The following PRKG2 variants were observed in gnomAD, a reference collection of about 807,000 sequenced individuals.
PRKG2 encodes protein kinase cGMP-dependent 2.
Under a neutral mutation model 97.2 loss-of-function variants are expected in PRKG2, and 33 were observed. The ratio of observed to expected loss-of-function variants is 0.34; its 90% CI spans 0.26 to 0.45. The LOEUF (loss-of-function observed/expected upper bound fraction) is 0.45, where lower values mean the gene tolerates loss of function less well. Among genes scored for constraint, PRKG2 ranks in the 20% least tolerant of loss-of-function variants. The pLI is 1.00. For synonymous variants in PRKG2, 330 were observed against 321.8 expected (o/e 1.03, Z -0.27); for missense variants, 638 against 900.0 (o/e 0.71, Z 3.73).
At chr4:81,127,591 T>C (rs1482613828) in intron 14 of PRKG2, among the ~76,000 whole-genome samples, 1 of 152,196 alleles carries the variant, frequency 6.6e-6, no homozygotes, top group African/African-American at 2.4e-5. Flanking sequence ...ATTCTCTTTG[T>C]AGCAATTGTG....
At chr4:81,107,033 T>C (rs1272975990) in intron 15 of PRKG2, among the ~76,000 whole-genome samples, 5 of 152,172 alleles carry the variant, frequency 3.3e-5, no homozygotes, top group Non-Finnish European at 2.9e-5. Context: ...AGACACATAG[T>C]AAAGCCATCA....
chr4:81,122,289 T>A (rs1745135706), intron 14 of PRKG2, among the ~76,000 whole-genome samples: 1 of 152,204 alleles, frequency 6.6e-6, no homozygotes, highest in Non-Finnish European at 1.5e-5. Flanking sequence ...CTTCATCAGC[T>A]CTTCTTGGCC....
intron 1 of PRKG2, among the ~76,000 whole-genome samples, chr4:81,212,133 T>G (rs1241582450): frequency 7.2e-5 from 11 of 152,192 alleles, no homozygotes; most frequent in Admixed American, 7.2e-4. Flanking sequence ...CTTGTGACTG[T>G]TGACCCGGGG....
intron 17 of PRKG2, among the ~76,000 whole-genome samples, chr4:81,098,103 A>C (rs1742310343): frequency 6.6e-6 from 1 of 152,178 alleles, no homozygotes; most frequent in Non-Finnish European, 1.5e-5. Context: ...CCGTAATCTC[A>C]GTGGGCACAA....
rs184461282 is a variant in PRKG2 at position 81,087,588 on chromosome 4, C to T, written c.*2120G>A. On this transcript the variant is annotated 3_prime_UTR_variant, in exon 19 of 19. Transcript: ENST00000264399. Reference sequence around the variant, plus strand: ...CAGATACCGGGCAAAAGACTCTCTACATAACTTAATCCCTGAAACAAACCT... The same window carrying T: ...CAGATACCGGGCAAAAGACTCTCTATATAACTTAATCCCTGAAACAAACCT... The T allele has an allele frequency of 4.6e-5, 7 of 152,242 alleles. No homozygotes were observed. The East Asian group carries it at 1.2e-3, about 25-fold the overall frequency. 9.4% of individuals were successfully genotyped at this position (152,242 alleles called of 1,614,324 possible). A position where few individuals can be genotyped will look rare whatever the true frequency, so the allele number is the denominator to read the frequency against.
At chr4:81,163,863 T>TACAC (rs5859761) in intron 6 of PRKG2, among the ~76,000 whole-genome samples, 3,005 of 144,730 alleles carry the variant, frequency 0.021, 39 homozygotes, top group Non-Finnish European at 0.031. Context: ...AGATGTATAG[T>TACAC]ACACACACAC....
intron 17 of PRKG2, among the ~76,000 whole-genome samples, chr4:81,096,873 T>C (rs567074322): frequency 6.6e-5 from 10 of 152,302 alleles, no homozygotes; most frequent in Non-Finnish European, 8.8e-5. Context: ...TTTATGAGCG[T>C]TAGGATCAAC....
intron 2 of PRKG2, among the ~76,000 whole-genome samples, chr4:81,184,974 T>A (rs1273575397): frequency 7.0e-6 from 1 of 142,954 alleles, no homozygotes; most frequent in African/African-American, 3.0e-5. Flanking sequence ...CAAAGCCTAA[T>A]ATGTGAAAAG....
Position 81,144,329 on chromosome 4 carries a change from T to C in PRKG2, c.1156A>G (p.Thr386Ala). The C allele has an allele frequency of 6.2e-7, 1 of 1,603,066 alleles. No individual in the cohort carries two copies. The highest frequency in any genetic ancestry group is 8.5e-7 in the Non-Finnish European group (1 of 1,170,420). ...DVACLVIDRE[T>A]FNQTVGTFEE... The stretch of plus-strand genomic sequence containing the variant: ...AATGTACCGACAGTTTGGTTGAATG[T>C]TCTAAATAGATAGAATAAAGTAAAA... Residue 386 changes from threonine to alanine, a missense_variant and splice_region_variant, in exon 10 of 19, where the codon ACA (threonine) becomes GCA (alanine). Transcript: ENST00000264399.
chr4:81,188,099 G>A (rs1379872870), intron 2 of PRKG2, among the ~76,000 whole-genome samples: 1 of 152,028 alleles, frequency 6.6e-6, no homozygotes, highest in Non-Finnish European at 1.5e-5. Context: ...TACAAAATGG[G>A]AGAAAATTTT....
chr4:81,140,483 A>C (rs753773320), intron 12 of PRKG2, 50 bp downstream of exon 12: 2 of 1,467,524 alleles, frequency 1.4e-6, no homozygotes. Context: ...TAAATACATA[A>C]ATAAAGAGCC....
At chr4:81,166,195 T>G (rs1749968130) in intron 6 of PRKG2, among the ~76,000 whole-genome samples, 1 of 152,146 alleles carries the variant, frequency 6.6e-6, no homozygotes. Context: ...CTGGTGTCAC[T>G]TACACTTAAG....
intron 3 of PRKG2, among the ~76,000 whole-genome samples, chr4:81,174,098 T>C (rs917547001): frequency 1.3e-5 from 2 of 152,044 alleles, no homozygotes; most frequent in Non-Finnish European, 1.5e-5. Flanking sequence ...AATAAATCAT[T>C]TGCCTATCTA....
chr4:81,095,600 T>C (rs977957786), intron 17 of PRKG2, among the ~76,000 whole-genome samples: 2 of 152,204 alleles, frequency 1.3e-5, no homozygotes, highest in Non-Finnish European at 2.9e-5. Context: ...TTACTTAACA[T>C]GCATGGCTAT....
chr4:81,137,349 T>C, intron 13 of PRKG2, 44 bp downstream of exon 13: 1 of 1,347,538 alleles, frequency 7.4e-7, no homozygotes, highest in East Asian at 2.3e-5. Flanking sequence ...TGATTATAAA[T>C]ATAGCCCTTA....
intron 14 of PRKG2, among the ~76,000 whole-genome samples, chr4:81,120,580 C>A (rs549290234): frequency 6.6e-6 from 1 of 152,114 alleles, no homozygotes; most frequent in East Asian, 1.9e-4. Flanking sequence ...GTGTTTTTAA[C>A]TTCAAATTCT....
intron 9 of PRKG2, among the ~76,000 whole-genome samples, chr4:81,144,661 GGTTA>G (rs939203901): frequency 1.6e-4 from 24 of 150,528 alleles, no homozygotes; most frequent in African/African-American, 5.9e-4. Flanking sequence ...ACAATGTGCA[GGTTA>G]GTTACATATG....
chr4:81,206,444 C>T (rs899994938), intron 1 of PRKG2, among the ~76,000 whole-genome samples: 1 of 152,124 alleles, frequency 6.6e-6, no homozygotes, highest in Non-Finnish European at 1.5e-5. Context: ...TTTGCCTTTG[C>T]TTTTCCTTTG....
chr4:81,194,923 C>CATATATATATAT (rs35157306), intron 2 of PRKG2, among the ~76,000 whole-genome samples: 7 of 151,334 alleles, frequency 4.6e-5, no homozygotes, highest in African/African-American at 1.7e-4. Flanking sequence ...TTTTAATATA[C>CATATATATATAT]ATATATATAT....
Sources: allele counts gnomAD v4.1 joint callset (sites outside exome capture counted in the v4.1 genomes callset), GRCh38; gene constraint gnomAD v4.1.1; transcripts MANE v1.5; gene names NCBI Gene and HGNC (gene_info 2026-07-23, HGNC 2026-07-21).